The following RASGRP1 variants were observed in gnomAD, a reference collection of about 807,000 sequenced individuals.
The protein encoded by RASGRP1 is RAS guanyl-releasing protein 1.
Under a neutral mutation model 95.1 loss-of-function variants are expected in RASGRP1, and 37 were observed. That is an observed-to-expected ratio of 0.39 (90% confidence interval 0.30 to 0.51). The LOEUF is 0.51. RASGRP1 is among the 20% of genes least tolerant of loss of function. The probability of loss-of-function intolerance (pLI) is 0.80; values close to 1 mark genes in which losing one functional copy is unlikely to be tolerated. For missense variants in RASGRP1, 711 were observed against 965.4 expected, an observed-to-expected ratio of 0.74 and a Z score of 3.49; for synonymous variants, 325 against 353.4, an observed-to-expected ratio of 0.92 and a Z score of 0.90.
intron 10 of RASGRP1, among the ~76,000 whole-genome samples, chr15:38,505,476 C>T (rs1208833354): frequency 4.6e-5 from 7 of 152,118 alleles, no homozygotes; most frequent in Non-Finnish European, 1.0e-4. Flanking sequence ...TGTGGGGACT[C>T]TTCTTAATGC....
At chr15:38,542,842 T>TATATGTGTATATATATACAC (rs1892929468) in intron 2 of RASGRP1, among the ~76,000 whole-genome samples, 2 of 115,304 alleles carry the variant, frequency 1.7e-5, no homozygotes, top group African/African-American at 4.3e-5. Context: ...TGTGTATATA[T>TATATGTGTATATATATACAC]ATATATGTGT....
chr15:38,521,516 G>A (rs946169315), intron 3 of RASGRP1, among the ~76,000 whole-genome samples: 3 of 152,158 alleles, frequency 2.0e-5, no homozygotes, highest in Admixed American at 2.0e-4. Flanking sequence ...GAGGTCCTTA[G>A]AGCCCCTATG....
chr15:38,531,626 C>T (rs532273566), intron 2 of RASGRP1, among the ~76,000 whole-genome samples: 3 of 152,234 alleles, frequency 2.0e-5, no homozygotes, highest in South Asian at 4.2e-4. Context: ...TCCCAAAGTA[C>T]GGCTTGTTAA....
chr15:38,541,244 G>A (rs1401200659), intron 2 of RASGRP1, among the ~76,000 whole-genome samples: 1 of 152,128 alleles, frequency 6.6e-6, no homozygotes, highest in African/African-American at 2.4e-5. Flanking sequence ...ATAAAGACAG[G>A]GCTAATCCCC....
At chr15:38,545,163 A>C (rs1276706189) in intron 2 of RASGRP1, among the ~76,000 whole-genome samples, 2 of 152,180 alleles carry the variant, frequency 1.3e-5, no homozygotes, top group Non-Finnish European at 1.5e-5. Flanking sequence ...AAAGGGGAAA[A>C]CCCACTTATT....
intron 2 of RASGRP1, among the ~76,000 whole-genome samples, chr15:38,531,890 T>C (rs1239708037): frequency 1.3e-5 from 2 of 152,170 alleles, no homozygotes; most frequent in Non-Finnish European, 2.9e-5. Context: ...TCCAGCTCTA[T>C]ACAACCTCAT....
chr15:38,499,286 A>C (rs970739077), intron 14 of RASGRP1: 2 of 401,288 alleles, frequency 5.0e-6, no homozygotes, highest in South Asian at 4.1e-5. Context: ...TCTTTCTTGC[A>C]GTAAAAGGTT....
At chr15:38,540,204 A>T (rs1453399198) in intron 2 of RASGRP1, among the ~76,000 whole-genome samples, 3 of 152,172 alleles carry the variant, frequency 2.0e-5, no homozygotes, top group Admixed American at 2.0e-4. Flanking sequence ...CTGGGATTAT[A>T]GGCATGAGTC....
chr15:38,501,281 G>A lies in RASGRP1; in HGVS notation c.1545C>T (p.Gly515=). ...SFCVMDKDRE[G]LISRDEITAY... ...CTGTGATCTCATCCCTGCTGATGAG[G>A]CCTTCCCTGCCGGCAGATGACCAAG... Residue 515 remains glycine (G), a synonymous_variant, in exon 13 of 17, where the codon GGC becomes GGT. Coordinates refer to ENST00000310803, the MANE Select transcript of RASGRP1 (RefSeq NM_005739.4). The A allele has an allele frequency of 6.2e-7, 1 of 1,612,950 alleles. No individual in the cohort carries two copies. Among genetic ancestry groups the A allele is most frequent in the East Asian group, 2.2e-5 (1 of 44,876 alleles).
chr15:38,552,479 G>A (rs57967213), intron 2 of RASGRP1, among the ~76,000 whole-genome samples: 5,384 of 152,148 alleles, frequency 0.035, 343 homozygotes, highest in African/African-American at 0.12. Context: ...AGTGATGTTT[G>A]TTGATTTCCA....
rs925941700 is a variant in RASGRP1, at chr15:38,489,040, T to G, written c.*1514A>C. The G allele has an allele frequency of 2.0e-5, 3 of 152,044 alleles. No homozygotes were observed. The highest frequency in any genetic ancestry group is 7.2e-5 in the African/African-American group (3 of 41,432). The allele number at this position is 152,044 out of a possible 1,614,324, so 9.4% of individuals were successfully genotyped here. On this transcript the variant is annotated 3_prime_UTR_variant, in exon 17 of 17. Coordinates refer to ENST00000310803, the MANE Select transcript of RASGRP1 (RefSeq NM_005739.4). ...CTGATCTTTCATCAAAGAGAATTCCTAAATGATCTGAATCCTCCAGGTAAG... is the reference window on the plus strand; with the variant it reads ...CTGATCTTTCATCAAAGAGAATTCCGAAATGATCTGAATCCTCCAGGTAAG...
At chr15:38,530,229 G>A (rs1892383474) in intron 2 of RASGRP1, among the ~76,000 whole-genome samples, 1 of 152,136 alleles carries the variant, frequency 6.6e-6, no homozygotes, top group African/African-American at 2.4e-5. Context: ...AGTGGGGGTA[G>A]GTTATCTCAT....
chr15:38,526,741 G>T (rs559321065), intron 2 of RASGRP1, among the ~76,000 whole-genome samples: 1 of 152,170 alleles, frequency 6.6e-6, no homozygotes, highest in African/African-American at 2.4e-5. Flanking sequence ...TGGTTGGGGG[G>T]TGGGCAGGGA....
At chr15:38,533,042 C>T (rs1459628437) in intron 2 of RASGRP1, among the ~76,000 whole-genome samples, 2 of 152,188 alleles carry the variant, frequency 1.3e-5, no homozygotes, top group Admixed American at 6.5e-5. Flanking sequence ...AACAAACGTC[C>T]AGCACCAGGC....
intron 15 of RASGRP1, 21 bp downstream of exon 15, chr15:38,498,773 A>C: frequency 6.2e-7 from 1 of 1,605,572 alleles, no homozygotes; most frequent in Non-Finnish European, 8.5e-7. Flanking sequence ...TCCAAGATGA[A>C]TGTTCCCAGT....
intron 2 of RASGRP1, among the ~76,000 whole-genome samples, chr15:38,559,547 A>AT (rs1893720427): frequency 2.0e-5 from 3 of 152,302 alleles, no homozygotes; most frequent in Non-Finnish European, 4.4e-5. Flanking sequence ...ATTTTATGAT[A>AT]TTTTTCATCA....
In RASGRP1 at chr15:38,503,508, G is replaced by C. The variant is rs111717269; in HGVS notation, c.1324-132C>G. The C allele has an allele frequency of 1.4e-3, 1,032 of 742,776 alleles. 13 individuals carry two copies. In the African/African-American group the frequency reaches 0.017, roughly 12 times the overall value. 46.0% of individuals were successfully genotyped at this position (742,776 alleles called of 1,614,324 possible). ...ATTATGTTCAGTGGCAAGGAGCAGA[G>C]AACCCACAGGCAATTGAAATCTCTA... On this transcript the variant is annotated intron_variant, in intron 10 of 16. Transcript: ENST00000310803.
In RASGRP1 at chr15:38,563,012, A is replaced by G. The variant is rs1238951594; in HGVS notation, c.35+1582T>C. ...CCAGAGAGACTCAGAGGACTAGGCC[A>G]TGAGAGAACAGGGAGAAGAGAAAGT... is the stretch of plus-strand genomic sequence containing the variant. On this transcript the variant is annotated intron_variant, in intron 1 of 16. Coordinates refer to ENST00000310803, the MANE Select transcript of RASGRP1 (RefSeq NM_005739.4). 2.6e-5 allele frequency among the ~76,000 whole-genome samples: 4 copies of G among 152,206 alleles called. No homozygotes were observed. In the East Asian group the frequency reaches 5.8e-4, roughly 22 times the overall value.
chr15:38,512,007 A>G (rs189801240), intron 7 of RASGRP1, among the ~76,000 whole-genome samples: 2 of 152,092 alleles, frequency 1.3e-5, no homozygotes, highest in Admixed American at 1.3e-4. Context: ...GTTTAACACA[A>G]TGGTTTCTGG....
Sources: allele counts gnomAD v4.1 joint callset (sites outside exome capture counted in the v4.1 genomes callset), GRCh38; gene constraint gnomAD v4.1.1; transcripts MANE v1.5; gene names NCBI Gene and HGNC (gene_info 2026-07-23, HGNC 2026-07-21).